CDK5RAP2: variants seen among roughly 807,000 people sequenced by gnomAD.
CDK5RAP2 encodes the protein CDK5 regulatory subunit-associated protein 2.
In CDK5RAP2, 147 loss-of-function variants were observed where a neutral mutation model predicts 232.9. The ratio of observed to expected loss-of-function variants is 0.63; its 90% CI spans 0.55 to 0.72. The LOEUF is 0.72. Ranked by LOEUF, CDK5RAP2 falls within the 30% of genes least tolerant of loss-of-function variation. The pLI, the probability that CDK5RAP2 is intolerant of heterozygous loss-of-function variation, is 0.00. For synonymous variants in CDK5RAP2, 833 were observed against 833.7 expected (o/e 1.00, Z 0.01); for missense variants, 2,195 against 2,231.5 (o/e 0.98, Z 0.33).
chr9:120,443,468 TC>T, intron 23 of CDK5RAP2, 151 bp downstream of exon 23: 1 of 959,626 alleles, frequency 1.0e-6, no homozygotes, highest in East Asian at 2.5e-5. Context: ...GTCAATTATT[TC>T]TTAAAACCTC....
intron 35 of CDK5RAP2, among the ~76,000 whole-genome samples, chr9:120,395,733 T>G (rs1347758867): frequency 6.6e-6 from 1 of 152,238 alleles, no homozygotes; most frequent in Admixed American, 6.5e-5. Flanking sequence ...AATTAAATAT[T>G]AAGTAAGCCC....
Position 120,477,411 on chromosome 9 carries a change from C to A in CDK5RAP2, c.1666G>T (p.Val556Phe). Reference sequence around the variant, plus strand: ...TAGATGTCCTGCTCTTTCTTTAAGACCTGAATCAGCTCTTCATAGTCTGAT... The same window carrying A: ...TAGATGTCCTGCTCTTTCTTTAAGAACTGAATCAGCTCTTCATAGTCTGAT... ...QSSDYEELIQ[V>F]LKKEQDIYTH... The change falls in exon 15 of 38, where the codon GTC becomes TTC. Residue 556 changes from valine (V) to phenylalanine (F), a missense_variant. Physicochemically the swap from Val to Phe is conservative, Grantham distance 50. Transcript: ENST00000349780. 3 of 1,613,832 alleles carry A rather than the reference C, an allele frequency of 1.9e-6. No homozygotes were observed. Among genetic ancestry groups the A allele is most frequent in the Non-Finnish European group, 2.5e-6 (3 of 1,179,814 alleles).
chr9:120,459,850 C>T (rs903592693), intron 19 of CDK5RAP2, among the ~76,000 whole-genome samples: 5 of 152,108 alleles, frequency 3.3e-5, no homozygotes, highest in Admixed American at 1.3e-4. Context: ...ACTTGAACAC[C>T]CTGAAGGCCA....
chr9:120,486,100 T>A (rs936267080), intron 14 of CDK5RAP2, among the ~76,000 whole-genome samples: 8 of 152,058 alleles, frequency 5.3e-5, no homozygotes, highest in African/African-American at 1.9e-4. Flanking sequence ...TAAACCCTGG[T>A]CCATCCACTC....
intron 3 of CDK5RAP2, among the ~76,000 whole-genome samples, chr9:120,553,186 T>C (rs1246193761): frequency 6.6e-6 from 1 of 152,150 alleles, no homozygotes; most frequent in African/African-American, 2.4e-5. Context: ...ATCACGCCAG[T>C]AGGGGAAGAG....
At chr9:120,540,643 C>A (rs1379225074) in intron 5 of CDK5RAP2, among the ~76,000 whole-genome samples, 1 of 152,252 alleles carries the variant, frequency 6.6e-6, no homozygotes, top group African/African-American at 2.4e-5. Context: ...GACAGATCTG[C>A]TTCTAAATTT....
rs148335025 is a variant in CDK5RAP2, at chr9:120,474,181, G to A, written c.1728-2303C>T. On this transcript the variant is annotated intron_variant, in intron 15 of 37. Transcript: ENST00000349780. ...AAATGAGATATTACATGGGAAAGAC[G>A]TTAGGACAGGGGCTAACACATATGA... is the stretch of plus-strand genomic sequence containing the variant. Among the ~76,000 whole-genome samples the A allele has an allele frequency of 3.0e-4, 46 of 152,286 alleles. 1 individual carries two copies. In the East Asian group the frequency reaches 6.7e-3, roughly 22 times the overall value.
chr9:120,506,962 G>A (rs115150703), intron 12 of CDK5RAP2, among the ~76,000 whole-genome samples: 2,347 of 152,282 alleles, frequency 0.015, 61 homozygotes, highest in African/African-American at 0.053. Flanking sequence ...GTTCTACTGT[G>A]GGTAAAATGC....
chr9:120,474,883 G>C (rs1025046858), intron 15 of CDK5RAP2, among the ~76,000 whole-genome samples: 1 of 152,168 alleles, frequency 6.6e-6, no homozygotes, highest in South Asian at 2.1e-4. Context: ...TTACAGAAGA[G>C]AGCTCTACCT....
chr9:120,401,535 C>T (rs2033004882), intron 34 of CDK5RAP2, among the ~76,000 whole-genome samples: 1 of 148,342 alleles, frequency 6.7e-6, no homozygotes, highest in Non-Finnish European at 1.5e-5. Context: ...TTGCTTAAGT[C>T]CAGGAGGTCA....
intron 35 of CDK5RAP2, among the ~76,000 whole-genome samples, chr9:120,395,387 A>G (rs1204329555): frequency 6.6e-6 from 1 of 152,248 alleles, no homozygotes; most frequent in Non-Finnish European, 1.5e-5. Context: ...AGATCATATA[A>G]AAGTATTACT....
chr9:120,394,193 C>T (rs1305058731), intron 36 of CDK5RAP2, among the ~76,000 whole-genome samples: 1 of 152,182 alleles, frequency 6.6e-6, no homozygotes, highest in Non-Finnish European at 1.5e-5. Context: ...TTGTCTAAGA[C>T]GCCCACCTTG....
intron 4 of CDK5RAP2, among the ~76,000 whole-genome samples, chr9:120,547,852 T>C (rs1474979377): frequency 6.6e-6 from 1 of 152,212 alleles, no homozygotes; most frequent in Non-Finnish European, 1.5e-5. Flanking sequence ...ACCAAGCACC[T>C]GTGATGGACC....
In CDK5RAP2 at chr9:120,539,131, G is replaced by A; in HGVS notation, c.417C>T (p.Gly139=). 1.2e-6 allele frequency: 2 copies of A among 1,613,956 alleles called. No homozygotes were observed. Among genetic ancestry groups the A allele is most frequent in the South Asian group, 1.1e-5 (1 of 91,068 alleles). The change falls in exon 6 of 38, where the codon GGC becomes GGT. Residue 139 remains glycine (G), a synonymous_variant. Transcript: ENST00000349780. ...CTTCTTTCACCCGCTGGATTTCAGA[G>A]CCACCTGCTTCAGCTAAGCTCTCAA... ...KAVESLAEAG[G]SEIQRVKEDA...
intron 3 of CDK5RAP2, among the ~76,000 whole-genome samples, chr9:120,555,050 G>T (rs1309166258): frequency 1.5e-5 from 2 of 134,640 alleles, no homozygotes; most frequent in Admixed American, 1.8e-4. Flanking sequence ...TCTCAGTGGA[G>T]AAACAGATAT....
chr9:120,513,831 T>C (rs1015012324), intron 12 of CDK5RAP2, among the ~76,000 whole-genome samples: 24 of 152,170 alleles, frequency 1.6e-4, no homozygotes, highest in African/African-American at 5.6e-4. Context: ...TCTGTTTCAA[T>C]CCAAAAGCAA....
chr9:120,456,602 A>C (rs2036792803), intron 20 of CDK5RAP2, among the ~76,000 whole-genome samples: 1 of 152,248 alleles, frequency 6.6e-6, no homozygotes, highest in Admixed American at 6.5e-5. Flanking sequence ...AATTACCTAG[A>C]CAACAGAAAC....
chr9:120,472,020 A>C, intron 15 of CDK5RAP2, 142 bp from the exon 16 acceptor site: 35 of 1,048,736 alleles, frequency 3.3e-5, no homozygotes, highest in Non-Finnish European at 4.0e-5. Context: ...ACTATAGAGA[A>C]TTTTAAATAC....
chr9:120,533,630 C>T (rs2041254058), intron 7 of CDK5RAP2, among the ~76,000 whole-genome samples: 2 of 151,950 alleles, frequency 1.3e-5, no homozygotes, highest in East Asian at 3.9e-4. Context: ...GCTGTCTCCA[C>T]TAAAAATACA....
Sources: gnomAD v4.1 joint callset for allele counts (sites outside exome capture counted in the v4.1 genomes callset) on GRCh38, gnomAD v4.1.1 for gene constraint, MANE v1.5 for transcripts, NCBI Gene and HGNC (gene_info 2026-07-23, HGNC 2026-07-21) for gene names.